YLPM1: variants seen among roughly 807,000 people sequenced by gnomAD.
YLPM1 encodes YLP motif-containing protein 1.
YLPM1 carries 99 observed loss-of-function variants against 230.0 expected under a neutral mutation model. The ratio of observed to expected loss-of-function variants is 0.43; its 90% CI spans 0.37 to 0.51. The LOEUF is 0.51. Ranked by LOEUF, YLPM1 falls within the 20% of genes least tolerant of loss-of-function variation. YLPM1 has a pLI of 0.00. For synonymous variants in YLPM1, 984 were observed against 942.5 expected, an observed-to-expected ratio of 1.04 and a Z score of -0.81; for missense variants, 2,592 against 2,707.7, an observed-to-expected ratio of 0.96 and a Z score of 0.95.
At chr14:74,768,404 G>C (rs1187356067) in intron 1 of YLPM1, among the ~76,000 whole-genome samples, 3 of 152,000 alleles carry the variant, frequency 2.0e-5, no homozygotes, top group African/African-American at 7.2e-5. Flanking sequence ...ATGCTACCAT[G>C]CCTGGCTAGT....
chr14:74,824,209 A>G (rs762878851), intron 17 of YLPM1, 47 bp from the exon 18 acceptor site: 6 of 1,585,390 alleles, frequency 3.8e-6, no homozygotes, highest in Middle Eastern at 1.7e-4. Context: ...ATATGCATGT[A>G]TGTGTCTCTT....
chr14:74,775,973 T>C (rs2091032911), intron 1 of YLPM1, among the ~76,000 whole-genome samples: 1 of 152,210 alleles, frequency 6.6e-6, no homozygotes, highest in African/African-American at 2.4e-5. Flanking sequence ...ACTACATCCA[T>C]ACAATTGTAG....
intron 6 of YLPM1, among the ~76,000 whole-genome samples, chr14:74,808,707 G>A (rs570214370): frequency 3.0e-4 from 45 of 151,960 alleles, no homozygotes; most frequent in African/African-American, 1.1e-3. Context: ...AGAAGGCTGA[G>A]GCAGGAGAAT....
intron 1 of YLPM1, among the ~76,000 whole-genome samples, chr14:74,770,344 C>T (rs928923740): frequency 1.8e-4 from 27 of 150,080 alleles, no homozygotes; most frequent in African/African-American, 5.4e-4. Context: ...AATGAGTAGG[C>T]CAGGTGCAGT....
chr14:74,781,577 G>C lies in YLPM1; in HGVS notation c.1534G>C (p.Gly512Arg). The change falls in exon 4 of 21, where the codon GGG becomes CGG. Residue 512 changes from glycine (G) to arginine (R), a missense_variant. Coordinates refer to ENST00000325680, the MANE Select transcript of YLPM1 (RefSeq NM_019589.3). ...SFQNMKNQYM[G>R]NMSMPPPFVP... Reference sequence around the variant, plus strand: ...TCAGAACATGAAGAACCAGTATATGGGGAACATGTCAATGCCACCTCCTTT... The same window carrying C: ...TCAGAACATGAAGAACCAGTATATGCGGAACATGTCAATGCCACCTCCTTT... The C allele has an allele frequency of 6.2e-7, 1 of 1,613,898 alleles. No individual in the cohort carries two copies. The highest frequency in any genetic ancestry group is 8.5e-7 in the Non-Finnish European group (1 of 1,179,880).
intron 5 of YLPM1, among the ~76,000 whole-genome samples, chr14:74,800,693 C>T (rs888413): frequency 0.35 from 53,923 of 152,080 alleles, 11,553 homozygotes; most frequent in East Asian, 0.54. Flanking sequence ...AGACCAGATA[C>T]GGCAGGTTTG....
At chr14:74,772,530 T>G (rs542281952) in intron 1 of YLPM1, among the ~76,000 whole-genome samples, 1 of 152,154 alleles carries the variant, frequency 6.6e-6, no homozygotes, top group South Asian at 2.1e-4. Context: ...AGCTAAGTTT[T>G]GTATTTTTAG....
At chr14:74,806,530 T>C (rs2091380116) in intron 6 of YLPM1, among the ~76,000 whole-genome samples, 1 of 152,098 alleles carries the variant, frequency 6.6e-6, no homozygotes, top group African/African-American at 2.4e-5. Flanking sequence ...AGGTAGAGGT[T>C]GCACATAGCG....
intron 4 of YLPM1, among the ~76,000 whole-genome samples, chr14:74,795,168 C>A (rs1424058564): frequency 6.6e-6 from 1 of 152,186 alleles, no homozygotes; most frequent in Non-Finnish European, 1.5e-5. Context: ...CACTCAAATT[C>A]CTCTTGAAAG....
At chr14:74,769,755 T>C (rs1444224999) in intron 1 of YLPM1, among the ~76,000 whole-genome samples, 2 of 150,036 alleles carry the variant, frequency 1.3e-5, no homozygotes, top group Non-Finnish European at 3.0e-5. Context: ...CTCTAAAGAA[T>C]AAGTAGGAGG....
At chr14:74,822,757 C>T (rs2091532146) in intron 17 of YLPM1, among the ~76,000 whole-genome samples, 1 of 152,120 alleles carries the variant, frequency 6.6e-6, no homozygotes, top group African/African-American at 2.4e-5. Context: ...CCACTCAGAT[C>T]ATTTAAATGG....
chr14:74,816,704 C>T lies in YLPM1; in HGVS notation c.5685+14C>T, dbSNP rs112311092. 7.5e-6 allele frequency: 12 copies of T among 1,602,768 alleles called. No homozygotes were observed. Among genetic ancestry groups the T allele is most frequent in the African/African-American group, 1.3e-5 (1 of 74,358 alleles). On this transcript the variant is annotated intron_variant, in intron 13 of 20. Coordinates refer to ENST00000325680, the MANE Select transcript of YLPM1 (RefSeq NM_019589.3). ...GTGAAAAAGAAGGTATGGTATTCATCTCAGATCTCGTTCTGATTCATTAAT... is the reference window on the plus strand; with the variant it reads ...GTGAAAAAGAAGGTATGGTATTCATTTCAGATCTCGTTCTGATTCATTAAT...
At chr14:74,785,603 G>T (rs1342194336) in intron 4 of YLPM1, among the ~76,000 whole-genome samples, 2 of 152,166 alleles carry the variant, frequency 1.3e-5, no homozygotes, top group African/African-American at 4.8e-5. Flanking sequence ...TGAACTTCTT[G>T]TATTTCTAAT....
At chr14:74,818,656 A>G (rs1235434425) in intron 16 of YLPM1, among the ~76,000 whole-genome samples, 2 of 152,194 alleles carry the variant, frequency 1.3e-5, no homozygotes, top group Non-Finnish European at 2.9e-5. Flanking sequence ...AAATGCAGGA[A>G]ATTTAGTATT....
In YLPM1 at chr14:74,781,616, C is replaced by T; in HGVS notation, c.1573C>T (p.Gln525Ter). Residue 525 changes from glutamine to a stop codon, truncating the protein, a stop_gained, in exon 4 of 21, where the codon CAG becomes TAG. Coordinates refer to ENST00000325680, the MANE Select transcript of YLPM1 (RefSeq NM_019589.3). LOFTEE classifies it high-confidence loss of function. ...SMPPPFVPYS[Q>*]MPPPLPTMPP... ...GCCACCTCCTTTTGTTCCATATTCT[C>T]AGATGCCTCCACCTCTACCTACAAT... 6.2e-7 allele frequency: 1 copy of T among 1,613,968 alleles called. No homozygotes were observed. Among genetic ancestry groups the T allele is most frequent in the Non-Finnish European group, 8.5e-7 (1 of 1,179,892 alleles).
rs976067820 is a variant in YLPM1 at position 74,769,870 on chromosome 14, G to A, written c.873+5508G>A. 1.1e-4 allele frequency among the ~76,000 whole-genome samples: 6 copies of A among 53,094 alleles called. No homozygotes were observed. The East Asian group carries it at 3.0e-3, about 27-fold the overall frequency. 34.8% of individuals were successfully genotyped at this position (53,094 alleles called of 152,430 possible). ...TGAGACACCCCCCCCCCCGCCCCCCGCCCACAAAAAGTTTAAAAAACTAGC... is the reference window on the plus strand; with the variant it reads ...TGAGACACCCCCCCCCCCGCCCCCCACCCACAAAAAGTTTAAAAAACTAGC... On this transcript the variant is annotated intron_variant, in intron 1 of 20. Coordinates refer to ENST00000325680, the MANE Select transcript of YLPM1 (RefSeq NM_019589.3).
chr14:74,771,824 G>A (rs1415383401), intron 1 of YLPM1, among the ~76,000 whole-genome samples: 2 of 152,096 alleles, frequency 1.3e-5, no homozygotes, highest in East Asian at 1.9e-4. Context: ...GAGGGAAGGA[G>A]CTGGAGGAAT....
At chr14:74,783,666 C>T (rs1198050619) in intron 4 of YLPM1, among the ~76,000 whole-genome samples, 2 of 152,156 alleles carry the variant, frequency 1.3e-5, no homozygotes, top group Non-Finnish European at 2.9e-5. Context: ...CTCATTTTAA[C>T]ATTTGAAAAC....
chr14:74,773,936 G>C (rs1018149767), intron 1 of YLPM1, among the ~76,000 whole-genome samples: 1 of 151,874 alleles, frequency 6.6e-6, no homozygotes, highest in African/African-American at 2.4e-5. Flanking sequence ...GGCCAGGCTG[G>C]TCTCGAACTC....
Sources: gnomAD v4.1 joint callset for allele counts (sites outside exome capture counted in the v4.1 genomes callset) on GRCh38, gnomAD v4.1.1 for gene constraint, MANE v1.5 for transcripts, NCBI Gene and HGNC (gene_info 2026-07-23, HGNC 2026-07-21) for gene names.